EBF3: variants seen among roughly 807,000 people sequenced by gnomAD.
EBF3 encodes the protein EBF transcription factor 3.
Under a neutral mutation model 77.1 loss-of-function variants are expected in EBF3, and 18 were observed. The ratio of observed to expected loss-of-function variants is 0.23; its 90% CI spans 0.16 to 0.35. The LOEUF (loss-of-function observed/expected upper bound fraction) is 0.35, where lower values mean the gene tolerates loss of function less well. Ranked by LOEUF, EBF3 falls within the 10% of genes least tolerant of loss-of-function variation. EBF3 has a pLI of 1.00. For synonymous variants in EBF3, 350 were observed against 343.5 expected (o/e 1.02, Z -0.21); for missense variants, 558 against 860.0 (o/e 0.65, Z 4.39).
chr10:129,917,894 G>T (rs888672785), intron 6 of EBF3, among the ~76,000 whole-genome samples: 3 of 152,144 alleles, frequency 2.0e-5, no homozygotes, highest in African/African-American at 7.2e-5. Context: ...CAGATAAGGT[G>T]TAATTAGTAA....
intron 15 of EBF3, 146 bp from the exon 16 acceptor site, chr10:129,839,341 G>A (rs1041450576): frequency 2.3e-5 from 9 of 386,742 alleles, no homozygotes; most frequent in South Asian, 1.4e-4. Flanking sequence ...TTAAGTGCCT[G>A]CGGGCCTCAG....
At chr10:129,931,065 T>C (rs1210687838) in intron 6 of EBF3, among the ~76,000 whole-genome samples, 2 of 151,848 alleles carry the variant, frequency 1.3e-5, no homozygotes, top group Non-Finnish European at 2.9e-5. Flanking sequence ...CATATATCTG[T>C]ATCTATATCT....
chr10:129,925,365 G>T (rs550772093), intron 6 of EBF3, among the ~76,000 whole-genome samples: 31 of 151,984 alleles, frequency 2.0e-4, no homozygotes, highest in Admixed American at 3.9e-4. Flanking sequence ...ACAATGTGCG[G>T]TACACAGACC....
rs1283417086 is a variant in EBF3 at position 129,867,229 on chromosome 10, C to T, written c.951G>A (p.Pro317=). The change falls in exon 10 of 17, where the codon CCG becomes CCA. Residue 317 remains proline, a synonymous_variant. Coordinates refer to ENST00000440978, the MANE Select transcript of EBF3 (RefSeq NM_001375380.1). ...TPHAIRVQTP[P]RHIPGVVEVT... is the part of the protein sequence containing the mutation. ...CTTCGACGACGCCAGGAATGTGCCTCGGCGGGGTCTGGACTCGGATGGCAT... is the reference window on the plus strand; with the variant it reads ...CTTCGACGACGCCAGGAATGTGCCTTGGCGGGGTCTGGACTCGGATGGCAT... 1.9e-6 allele frequency: 3 copies of T among 1,614,120 alleles called. No homozygotes were observed. Among genetic ancestry groups the T allele is most frequent in the Admixed American group, 1.7e-5 (1 of 60,006 alleles).
chr10:129,862,159 GA>G (rs1169857360), intron 10 of EBF3, among the ~76,000 whole-genome samples: 1 of 152,142 alleles, frequency 6.6e-6, no homozygotes, highest in Non-Finnish European at 1.5e-5. Flanking sequence ...GACTTTAAAA[GA>G]AAGAAGAAGG....
At chr10:129,867,293 C>A in intron 9 of EBF3, 26 bp from the exon 10 acceptor site, 1 of 1,612,568 alleles carries the variant, frequency 6.2e-7, no homozygotes, top group Non-Finnish European at 8.5e-7. Flanking sequence ...GGTGAACAGG[C>A]GCTCAGCGGC....
chr10:129,872,211 A>G (rs1302057293), intron 8 of EBF3, among the ~76,000 whole-genome samples: 3 of 152,218 alleles, frequency 2.0e-5, no homozygotes, highest in African/African-American at 7.2e-5. Flanking sequence ...AGGACCGGGG[A>G]TTCAACCTTC....
rs1236407502 is a variant in EBF3, at chr10:129,870,157, G to A, written c.782-2245C>T. 2.6e-5 allele frequency among the ~76,000 whole-genome samples: 4 copies of A among 152,076 alleles called. No homozygotes were observed. Among genetic ancestry groups the A allele is most frequent in the Admixed American group, 6.6e-5 (1 of 15,258 alleles). ...GTGCTTCTCAGCGGAAAGAAAACAC[G>A]GGCCTGCCTTGGCCTCCTCCACAGT... is the stretch of plus-strand genomic sequence containing the variant. On this transcript the variant is annotated intron_variant, in intron 8 of 16. Transcript: ENST00000440978. The surrounding 1 kb of genome is among the most constrained non-coding windows in gnomAD (Gnocchi z 4.4).
At chr10:129,857,474 C>T (rs533993129) in intron 10 of EBF3, among the ~76,000 whole-genome samples, 3 of 152,336 alleles carry the variant, frequency 2.0e-5, no homozygotes, top group Admixed American at 1.3e-4. Flanking sequence ...TCCAGGGGTA[C>T]AGCCTCTACG....
rs1409166626 is a variant in EBF3 at position 129,935,756 on chromosome 10, C to A, written c.554+21502G>T. 6.6e-6 allele frequency among the ~76,000 whole-genome samples: 1 copy of A among 152,192 alleles called. No individual in the cohort carries two copies. The highest frequency in any genetic ancestry group is 1.5e-5 in the Non-Finnish European group (1 of 68,030). ...CTGCTGCACAGAAACAAAGACTAAG[C>A]CCATCTGGAGCAGAGCTTGGCCCTG... On this transcript the variant is annotated intron_variant, in intron 6 of 16. Transcript: ENST00000440978. This position sits in a 1 kb window ranked among gnomAD's most constrained non-coding sequence, Gnocchi z 4.2.
chr10:129,917,538 G>A (rs1341871275), intron 6 of EBF3, among the ~76,000 whole-genome samples: 2 of 150,510 alleles, frequency 1.3e-5, no homozygotes, highest in Non-Finnish European at 2.9e-5. Flanking sequence ...TGCACCTGAA[G>A]TCCCAGCTCC....
chr10:129,867,461 T>C (rs994607437), intron 9 of EBF3, among the ~76,000 whole-genome samples, 194 bp from the exon 10 acceptor site: 5 of 152,240 alleles, frequency 3.3e-5, no homozygotes, highest in East Asian at 1.9e-4. Flanking sequence ...TCCCAGGTTT[T>C]AGTTTGCAGG....
chr10:129,908,349 T>G (rs1855287445), intron 6 of EBF3, among the ~76,000 whole-genome samples: 1 of 152,222 alleles, frequency 6.6e-6, no homozygotes, highest in Non-Finnish European at 1.5e-5. Flanking sequence ...CTATTGGCAT[T>G]CCGCATGTAA....
At position 129,841,042 on chromosome 10, in the gene EBF3, T is replaced by TCACC; in HGVS notation, c.1373-11_1373-10insGGTG. The TCACC allele has an allele frequency of 6.6e-7, 1 of 1,507,650 alleles. No homozygotes were observed. The highest frequency in any genetic ancestry group is 1.3e-5 in the South Asian group (1 of 76,902). The allele number at this position is 1,507,650 out of a possible 1,614,324, so 93.4% of individuals were successfully genotyped here. A position where few individuals can be genotyped will look rare whatever the true frequency, so the allele number is the denominator to read the frequency against. On this transcript the variant is annotated splice_polypyrimidine_tract_variant and intron_variant, in intron 13 of 16. Transcript: ENST00000440978. This position sits in a 1 kb window ranked among gnomAD's most constrained non-coding sequence, Gnocchi z 4.6. ...TTGCGACTGTAGCCGACTGTTGAAATCCCCCCCCCGGCCAAAAATAACATT... is the reference window on the plus strand; with the variant it reads ...TTGCGACTGTAGCCGACTGTTGAAATCACCCCCCCCCCCGGCCAAAAATAACATT...
chr10:129,934,219 C>G (rs1857209040), intron 6 of EBF3, among the ~76,000 whole-genome samples: 1 of 151,582 alleles, frequency 6.6e-6, no homozygotes. Flanking sequence ...TGAAGACATG[C>G]CCCTCCCTCC....
At chr10:129,890,214 T>G (rs1399534622) in intron 6 of EBF3, among the ~76,000 whole-genome samples, 1 of 152,122 alleles carries the variant, frequency 6.6e-6, no homozygotes, top group Non-Finnish European at 1.5e-5. Flanking sequence ...GTGCAGACAC[T>G]GCAACTTAAA....
rs765264823 is a variant in EBF3, at chr10:129,897,373, C to T, written c.555-19524G>A. ...AGTGGCCCCAGGACCTTTGTGGAACCAGAGCAGAGCCCAGCGGTGCCACCC... is the reference window on the plus strand; with the variant it reads ...AGTGGCCCCAGGACCTTTGTGGAACTAGAGCAGAGCCCAGCGGTGCCACCC... On this transcript the variant is annotated intron_variant, in intron 6 of 16. Transcript: ENST00000440978. This position sits in a 1 kb window ranked among gnomAD's most constrained non-coding sequence, Gnocchi z 4.6. Among the ~76,000 whole-genome samples the T allele has an allele frequency of 6.6e-6, 1 of 152,168 alleles. No individual in the cohort carries two copies. The highest frequency in any genetic ancestry group is 2.1e-4 in the South Asian group (1 of 4,828).
chr10:129,887,983 A>C (rs147281251), intron 6 of EBF3, among the ~76,000 whole-genome samples: 1 of 152,278 alleles, frequency 6.6e-6, no homozygotes, highest in African/African-American at 2.4e-5. Flanking sequence ...ATCCATCCCA[A>C]TCGGCCTCGT....
rs930182673 is a variant in EBF3, at chr10:129,885,912, CGT to C, written c.555-8065_555-8064del. Among the ~76,000 whole-genome samples, 3 of 152,122 alleles carry C rather than the reference CGT, an allele frequency of 2.0e-5. No individual in the cohort carries two copies. The highest frequency in any genetic ancestry group is 6.5e-5 in the Admixed American group (1 of 15,272). The stretch of plus-strand genomic sequence containing the variant: ...GGTTTCAAGCCTCTCCCACCATACG[CGT>C]GTGTGTTTTTAGGGATCTGAAGATC... On this transcript the variant is annotated intron_variant, in intron 6 of 16. Coordinates refer to ENST00000440978, the MANE Select transcript of EBF3 (RefSeq NM_001375380.1). The surrounding 1 kb of genome is among the most constrained non-coding windows in gnomAD (Gnocchi z 4.0).
Sources: allele counts gnomAD v4.1 joint callset (sites outside exome capture counted in the v4.1 genomes callset), GRCh38; gene constraint gnomAD v4.1.1; non-coding constraint Gnocchi (gnomAD v3.1); transcripts MANE v1.5; gene names NCBI Gene and HGNC (gene_info 2026-07-23, HGNC 2026-07-21).